The following PTPRK variants were observed in gnomAD, a reference collection of about 807,000 sequenced individuals.
PTPRK encodes the protein receptor-type tyrosine-protein phosphatase kappa.
A neutral mutation model predicts 178.0 loss-of-function variants in PTPRK; 75 were observed. That is an observed-to-expected ratio of 0.42 (90% CI 0.35 to 0.51). The LOEUF (loss-of-function observed/expected upper bound fraction) is 0.51. PTPRK is among the 20% of genes least tolerant of loss of function. The pLI is 0.02. For synonymous variants in PTPRK, 637 were observed against 620.6 expected (o/e 1.03, Z -0.39); for missense variants, 1,441 against 1,797.8 (o/e 0.80, Z 3.59).
Position 127,976,756 on chromosome 6 carries a change from T to G in PTPRK, c.3870A>C (p.Glu1290Asp). Residue 1290 changes from glutamate to aspartate, a missense_variant, in exon 27 of 30, where the codon GAA becomes GAC. Glu to Asp is a conservative substitution (Grantham distance 45). This residue lies in a region of PTPRK where 335 missense variants were observed against 512.4 expected (regional missense o/e 0.65). Transcript: ENST00000368226. ...SQGCPQYWPE[E>D]GMLRYGPIQV... Reference sequence around the variant, plus strand: ...GGATGGGGCCATATCGTAGCATCCCTTCCTCTGGCCAGTACTGAGGGCAGC... The same window carrying G: ...GGATGGGGCCATATCGTAGCATCCCGTCCTCTGGCCAGTACTGAGGGCAGC... 1 of 1,613,974 alleles carries G rather than the reference T, an allele frequency of 6.2e-7. No homozygotes were observed. The highest frequency in any genetic ancestry group is 8.5e-7 in the Non-Finnish European group (1 of 1,179,922).
intron 13 of PTPRK, among the ~76,000 whole-genome samples, chr6:128,027,401 T>C (rs1157022282): frequency 6.6e-6 from 1 of 152,110 alleles, no homozygotes; most frequent in African/African-American, 2.4e-5. Flanking sequence ...TGAAAATGCA[T>C]AAAACAGTAC....
chr6:128,202,211 C>A (rs571074385), intron 6 of PTPRK, among the ~76,000 whole-genome samples: 5 of 152,198 alleles, frequency 3.3e-5, no homozygotes, highest in Non-Finnish European at 7.4e-5. Flanking sequence ...CAGGGTGGGG[C>A]GATGGCCCAC....
chr6:128,038,466 C>T (rs1022072513), intron 13 of PTPRK, among the ~76,000 whole-genome samples: 2 of 152,116 alleles, frequency 1.3e-5, no homozygotes, highest in Non-Finnish European at 2.9e-5. Flanking sequence ...TATTTTGACA[C>T]ACTTTACTTT....
chr6:128,220,715 T>C (rs1350971486), intron 5 of PTPRK, among the ~76,000 whole-genome samples: 1 of 152,230 alleles, frequency 6.6e-6, no homozygotes, highest in African/African-American at 2.4e-5. Flanking sequence ...GAACTCTAAA[T>C]TATCTGTGAT....
intron 7 of PTPRK, among the ~76,000 whole-genome samples, chr6:128,097,006 G>A (rs1788026570): frequency 6.6e-6 from 1 of 152,138 alleles, no homozygotes; most frequent in African/African-American, 2.4e-5. Context: ...AAGGGTTGAG[G>A]ATAATCAAGG....
chr6:128,334,942 G>C (rs761964446), intron 2 of PTPRK, among the ~76,000 whole-genome samples: 1 of 152,076 alleles, frequency 6.6e-6, no homozygotes, highest in Non-Finnish European at 1.5e-5. Context: ...ACAAAAATTA[G>C]CCAGGCGTGG....
chr6:128,128,117 T>C (rs1793667940), intron 7 of PTPRK, among the ~76,000 whole-genome samples: 1 of 152,196 alleles, frequency 6.6e-6, no homozygotes, highest in Non-Finnish European at 1.5e-5. Context: ...CTCTTTCACT[T>C]ACTGGCTTAT....
At chr6:128,221,523 CAAA>C (rs578034379) in intron 5 of PTPRK, among the ~76,000 whole-genome samples, 1 of 122,366 alleles carries the variant, frequency 8.2e-6, no homozygotes, top group African/African-American at 2.9e-5. Context: ...GATTCTGTCT[CAAA>C]AAAAAAAAAA....
chr6:128,355,118 T>C (rs1833779783), intron 2 of PTPRK, among the ~76,000 whole-genome samples: 1 of 152,218 alleles, frequency 6.6e-6, no homozygotes, highest in Non-Finnish European at 1.5e-5. Flanking sequence ...GTATATTGAC[T>C]TCATTGTTTT....
chr6:128,165,709 A>G (rs1455419662), intron 7 of PTPRK, among the ~76,000 whole-genome samples: 3 of 151,414 alleles, frequency 2.0e-5, no homozygotes, highest in Non-Finnish European at 3.0e-5. Flanking sequence ...ACAAATTTTC[A>G]AATATGTCTC....
chr6:128,232,203 T>C (rs374982091), intron 5 of PTPRK: 1 of 152,264 alleles, frequency 6.6e-6, no homozygotes, highest in East Asian at 1.9e-4. Context: ...TCTGCAGTAG[T>C]AACCATGCCC....
At chr6:128,193,320 C>G (rs985814582) in intron 6 of PTPRK, among the ~76,000 whole-genome samples, 1 of 126,612 alleles carries the variant, frequency 7.9e-6, no homozygotes, top group African/African-American at 2.9e-5. Context: ...AGCTACAATT[C>G]TAGCATTAAT....
intron 3 of PTPRK, among the ~76,000 whole-genome samples, chr6:128,296,471 A>T (rs1283934404): frequency 6.6e-6 from 1 of 152,184 alleles, no homozygotes; most frequent in Non-Finnish European, 1.5e-5. Context: ...GGGCAGCCAT[A>T]GAGAAAGGTT....
intron 1 of PTPRK, among the ~76,000 whole-genome samples, chr6:128,419,634 A>G (rs1481803330): frequency 6.6e-6 from 1 of 152,142 alleles, no homozygotes; most frequent in African/African-American, 2.4e-5. Flanking sequence ...AGAAAAAGAA[A>G]AAAAGAAAAG....
intron 13 of PTPRK, among the ~76,000 whole-genome samples, chr6:128,053,772 A>C (rs1370408010): frequency 1.3e-5 from 2 of 152,162 alleles, no homozygotes; most frequent in Non-Finnish European, 2.9e-5. Flanking sequence ...CATCCGACTC[A>C]GGCTCTGACA....
chr6:128,266,478 AT>A (rs1221027531), intron 3 of PTPRK, among the ~76,000 whole-genome samples: 1 of 152,102 alleles, frequency 6.6e-6, no homozygotes, highest in African/African-American at 2.4e-5. Flanking sequence ...TTTACGTGCA[AT>A]TTGCTAAGAA....
chr6:128,168,810 TC>T (rs1215697663), intron 7 of PTPRK, among the ~76,000 whole-genome samples: 2 of 152,052 alleles, frequency 1.3e-5, no homozygotes, highest in African/African-American at 4.8e-5. Flanking sequence ...ACAGCATTAT[TC>T]ACAATAGCCA....
intron 1 of PTPRK, among the ~76,000 whole-genome samples, chr6:128,513,072 C>G (rs2128444253): frequency 6.6e-6 from 1 of 152,078 alleles, no homozygotes; most frequent in Admixed American, 6.5e-5. Context: ...TACTTTTAGT[C>G]TCTTATGAAA....
chr6:128,252,610 A>G (rs1816641104), intron 3 of PTPRK, among the ~76,000 whole-genome samples: 1 of 152,142 alleles, frequency 6.6e-6, no homozygotes, highest in African/African-American at 2.4e-5. Flanking sequence ...CTGGGGGTAG[A>G]AGGGATTATA....
Sources: allele counts gnomAD v4.1 joint callset (sites outside exome capture counted in the v4.1 genomes callset), GRCh38; gene constraint gnomAD v4.1.1; regional missense constraint gnomAD v4.1.1; transcripts MANE v1.5; gene names NCBI Gene and HGNC (gene_info 2026-07-23, HGNC 2026-07-21).